LRRC69: variants seen among roughly 807,000 people sequenced by gnomAD.
LRRC69 encodes the protein leucine rich repeat containing 69.
A neutral mutation model predicts 37.8 loss-of-function variants in LRRC69; 42 were observed. The observed-to-expected ratio is 1.11, with a 90% CI of 0.87 to 1.44. The LOEUF is 1.44. LRRC69 is among the 40% of genes most tolerant of loss of function. The pLI is 0.00. For missense variants in LRRC69, 357 were observed against 401.9 expected (o/e 0.89, Z 0.96); for synonymous variants, 141 against 143.1 (o/e 0.99, Z 0.11).
At chr8:91,115,925 T>C (rs1813503142) in intron 1 of LRRC69, among the ~76,000 whole-genome samples, 1 of 151,952 alleles carries the variant, frequency 6.6e-6, no homozygotes. Flanking sequence ...TTTACAGGTA[T>C]CACTCCTGCA....
intron 5 of LRRC69, among the ~76,000 whole-genome samples, chr8:91,174,847 TCTC>T (rs1408429281): frequency 6.6e-6 from 1 of 151,834 alleles, no homozygotes; most frequent in Non-Finnish European, 1.5e-5. Flanking sequence ...GGTATACGGC[TCTC>T]CTATCCAGTG....
intron 6 of LRRC69, among the ~76,000 whole-genome samples, chr8:91,199,013 C>T (rs1182720401): frequency 6.6e-6 from 1 of 152,110 alleles, no homozygotes; most frequent in African/African-American, 2.4e-5. Context: ...TGTTTGGGTC[C>T]AGAAATCATA....
At chr8:91,191,057 G>A (rs1809488175) in intron 6 of LRRC69, among the ~76,000 whole-genome samples, 1 of 118,720 alleles carries the variant, frequency 8.4e-6, no homozygotes, top group Non-Finnish European at 1.8e-5. Context: ...CCCCCCCCAA[G>A]TCAAAAAGCA....
chr8:91,165,104 T>A (rs149679065), intron 5 of LRRC69, among the ~76,000 whole-genome samples: 1 of 151,644 alleles, frequency 6.6e-6, no homozygotes, highest in African/African-American at 2.4e-5. Flanking sequence ...GGAGGAACAA[T>A]TGGCAACATC....
At chr8:91,185,282 C>A (rs980782437) in intron 5 of LRRC69, among the ~76,000 whole-genome samples, 3 of 152,156 alleles carry the variant, frequency 2.0e-5, no homozygotes, top group African/African-American at 4.8e-5. Context: ...GGCTTGGGGG[C>A]CTTCATCTGC....
chr8:91,197,085 G>A (rs1487906755), intron 6 of LRRC69, among the ~76,000 whole-genome samples: 1 of 151,518 alleles, frequency 6.6e-6, no homozygotes, highest in African/African-American at 2.4e-5. Context: ...CTGCAGGTCT[G>A]TTGGAGTACC....
chr8:91,106,795 A>G (rs1186783680), intron 1 of LRRC69, among the ~76,000 whole-genome samples: 3 of 150,558 alleles, frequency 2.0e-5, no homozygotes, highest in African/African-American at 7.3e-5. Context: ...TTGTTTGCAT[A>G]TTTTTTTTTC....
intron 5 of LRRC69, among the ~76,000 whole-genome samples, chr8:91,153,163 C>T (rs1042113114): frequency 6.6e-6 from 1 of 151,408 alleles, no homozygotes; most frequent in East Asian, 2.0e-4. Context: ...ACAAGAAGAG[C>T]TAACTATCCT....
chr8:91,195,626 A>C (rs1223068410), intron 6 of LRRC69, among the ~76,000 whole-genome samples: 1 of 151,032 alleles, frequency 6.6e-6, no homozygotes, highest in Non-Finnish European at 1.5e-5. Flanking sequence ...TTTGATCTTT[A>C]TTGGTTTAAA....
intron 5 of LRRC69, among the ~76,000 whole-genome samples, chr8:91,174,730 A>G (rs1809194024): frequency 6.6e-6 from 1 of 152,210 alleles, no homozygotes; most frequent in South Asian, 2.1e-4. Context: ...CATCTGTGGT[A>G]TTCCCTAAGG....
chr8:91,155,492 C>G (rs190775578), intron 5 of LRRC69, among the ~76,000 whole-genome samples: 2 of 150,778 alleles, frequency 1.3e-5, no homozygotes, highest in African/African-American at 2.4e-5. Context: ...ATTCAACAAC[C>G]TATCTATTTG....
chr8:91,117,426 G>A (rs1813529570), intron 1 of LRRC69, among the ~76,000 whole-genome samples: 1 of 151,908 alleles, frequency 6.6e-6, no homozygotes, highest in South Asian at 2.1e-4. Flanking sequence ...TAGCTCCAAT[G>A]TTTGGCCGCC....
intron 7 of LRRC69, among the ~76,000 whole-genome samples, chr8:91,217,492 C>G (rs771305689): frequency 3.3e-5 from 5 of 152,124 alleles, no homozygotes; most frequent in African/African-American, 4.8e-5. Flanking sequence ...AGAGAATGTC[C>G]TGGGGCTGAT....
intron 5 of LRRC69, among the ~76,000 whole-genome samples, chr8:91,185,763 C>G (rs55917279): frequency 0.048 from 7,318 of 151,642 alleles, 262 homozygotes; most frequent in Non-Finnish European, 0.067. Context: ...TCTTTTCCCC[C>G]CTCCTTGAAA....
intron 5 of LRRC69, among the ~76,000 whole-genome samples, chr8:91,151,107 T>C: frequency 6.6e-6 from 1 of 151,990 alleles, no homozygotes; most frequent in African/African-American, 2.4e-5. Context: ...CTGATCTTAG[T>C]TATTTCTTGC....
chr8:91,194,774 T>A (rs1183764836), intron 6 of LRRC69, among the ~76,000 whole-genome samples: 1 of 152,222 alleles, frequency 6.6e-6, no homozygotes, highest in Non-Finnish European at 1.5e-5. Flanking sequence ...ATCTATTTTG[T>A]TGATCCTTTC....
intron 4 of LRRC69, 59 bp downstream of exon 4, chr8:91,133,364 A>G (rs1319587898): frequency 2.4e-6 from 3 of 1,269,350 alleles, no homozygotes; most frequent in Non-Finnish European, 3.1e-6. Flanking sequence ...ACATGATGGG[A>G]GGTGGTTATA....
chr8:91,197,860 G>C (rs1381674152), intron 6 of LRRC69, among the ~76,000 whole-genome samples: 1 of 152,170 alleles, frequency 6.6e-6, no homozygotes, highest in East Asian at 1.9e-4. Context: ...GGCCATCTTG[G>C]CTCCTCCCGT....
intron 1 of LRRC69, among the ~76,000 whole-genome samples, chr8:91,114,653 G>T (rs1813476323): frequency 6.6e-6 from 1 of 151,944 alleles, no homozygotes; most frequent in African/African-American, 2.4e-5. Flanking sequence ...ACAGTAACAT[G>T]CTGTATTGCA....
Sources: allele counts gnomAD v4.1 joint callset (sites outside exome capture counted in the v4.1 genomes callset), GRCh38; gene constraint gnomAD v4.1.1; transcripts MANE v1.5; gene names NCBI Gene and HGNC (gene_info 2026-07-23, HGNC 2026-07-21).